AMD1: variants seen among roughly 807,000 people sequenced by gnomAD.
The protein encoded by AMD1 is S-adenosylmethionine decarboxylase proenzyme.
AMD1 carries 11 observed loss-of-function variants against 40.2 expected under a neutral mutation model. The ratio of observed to expected loss-of-function variants is 0.27; its 90% CI spans 0.17 to 0.45. The LOEUF (loss-of-function observed/expected upper bound fraction) is 0.45. Among genes scored for constraint, AMD1 ranks in the 20% least tolerant of loss-of-function variants. The probability of loss-of-function intolerance (pLI) is 1.00; values close to 1 mark genes in which losing one functional copy is unlikely to be tolerated. For missense variants in AMD1, 257 were observed against 410.2 expected (o/e 0.63, Z 3.23); for synonymous variants, 121 against 130.8 (o/e 0.93, Z 0.51).
the AMD1 span, among the ~76,000 whole-genome samples, chr6:110,851,835 A>G: frequency 6.6e-6 from 1 of 152,174 alleles, no homozygotes; most frequent in Non-Finnish European, 1.5e-5. Context: ...AATAAAGATC[A>G]TTGTTCATTT....
chr6:110,817,417 G>A, the AMD1 span, among the ~76,000 whole-genome samples: 23,971 of 152,102 alleles, frequency 0.16, 2,093 homozygotes, highest in East Asian at 0.31. Flanking sequence ...AGACCAGCCT[G>A]GCCAAGACAG....
At chr6:110,841,732 TAAA>T in the AMD1 span, among the ~76,000 whole-genome samples, 6 of 137,164 alleles carry the variant, frequency 4.4e-5, no homozygotes, top group Admixed American at 1.5e-4. Context: ...ATGCCCCCAT[TAAA>T]AAAAAAAAAA....
the AMD1 span, among the ~76,000 whole-genome samples, chr6:110,845,605 G>T: frequency 1.8e-4 from 28 of 152,130 alleles, no homozygotes; most frequent in Admixed American, 1.8e-3. Flanking sequence ...CCCTGCTGTT[G>T]GGTCATTAAA....
At chr6:110,837,790 C>T in the AMD1 span, among the ~76,000 whole-genome samples, 5 of 113,974 alleles carry the variant, frequency 4.4e-5, no homozygotes, top group African/African-American at 1.7e-4. Flanking sequence ...GGGTTAGGGG[C>T]GGTGGCTCAC....
chr6:110,849,123 A>T, the AMD1 span, among the ~76,000 whole-genome samples: 1 of 152,216 alleles, frequency 6.6e-6, no homozygotes, highest in Non-Finnish European at 1.5e-5. Flanking sequence ...CGTGATACAG[A>T]CAATGACTTT....
intron 1 of AMD1, among the ~76,000 whole-genome samples, chr6:110,879,244 G>A (rs1785275402): frequency 6.6e-6 from 1 of 152,150 alleles, no homozygotes; most frequent in African/African-American, 2.4e-5. Context: ...CCAGCCACTC[G>A]GGAAGCTGAG....
the AMD1 span, among the ~76,000 whole-genome samples, chr6:110,860,801 GA>G: frequency 5.0e-5 from 7 of 139,990 alleles, no homozygotes; most frequent in African/African-American, 1.9e-4. Context: ...CTCCATCTCA[GA>G]AAAAAAACAA....
At chr6:110,845,038 CTT>C in the AMD1 span, among the ~76,000 whole-genome samples, 6 of 122,214 alleles carry the variant, frequency 4.9e-5, no homozygotes, top group African/African-American at 6.0e-5. Flanking sequence ...TGCCACAGAC[CTT>C]TTTTTTTTTT....
the AMD1 span, among the ~76,000 whole-genome samples, chr6:110,861,927 C>T: frequency 6.6e-6 from 1 of 152,028 alleles, no homozygotes; most frequent in Non-Finnish European, 1.5e-5. Context: ...AGGTGTTGCT[C>T]CATTGTCTTT....
chr6:110,815,322 C>G, the AMD1 span: 1 of 497,602 alleles, frequency 2.0e-6, no homozygotes, highest in Non-Finnish European at 3.2e-6. Flanking sequence ...CCACAGCAGC[C>G]ACCTCCTCCA....
At chr6:110,858,537 T>G in the AMD1 span, 1 of 1,598,862 alleles carries the variant, frequency 6.3e-7, no homozygotes, top group Non-Finnish European at 8.6e-7. Context: ...AGCTACGGCA[T>G]GAACACCGTG....
the AMD1 span, among the ~76,000 whole-genome samples, chr6:110,851,619 T>C: frequency 6.6e-6 from 1 of 152,044 alleles, no homozygotes; most frequent in Non-Finnish European, 1.5e-5. Flanking sequence ...TGCACCACCA[T>C]GCCCAGCTAA....
At position 110,888,040 on chromosome 6, in the gene AMD1, G is replaced by A. The variant is rs550013531; in HGVS notation, c.197+449G>A. On this transcript the variant is annotated intron_variant, in intron 2 of 8. Transcript: ENST00000368885. ...TATAAAAGGAAACATTTAGTGTAAC[G>A]TGGATGTTTCTAGGACATAGGTTTT... Among the ~76,000 whole-genome samples, 51 of 152,142 alleles carry A rather than the reference G, an allele frequency of 3.4e-4. No individual in the cohort carries two copies. In the Middle Eastern group the frequency reaches 0.01, roughly 30 times the overall value.
chr6:110,847,042 A>AGTGTGTGT, the AMD1 span, among the ~76,000 whole-genome samples: 26 of 146,390 alleles, frequency 1.8e-4, no homozygotes, highest in Middle Eastern at 3.5e-3. Flanking sequence ...GAACTAGGAG[A>AGTGTGTGT]GTGTGTGTGT....
At chr6:110,830,145 G>T in the AMD1 span, among the ~76,000 whole-genome samples, 2 of 151,914 alleles carry the variant, frequency 1.3e-5, no homozygotes, top group Non-Finnish European at 2.9e-5. Context: ...CTCCTGAGTA[G>T]CTGGGACTAC....
chr6:110,822,867 A>G, the AMD1 span, among the ~76,000 whole-genome samples: 1 of 152,056 alleles, frequency 6.6e-6, no homozygotes, highest in Non-Finnish European at 1.5e-5. Flanking sequence ...GTAATCCTAG[A>G]ACTTTGGGAG....
the AMD1 span, among the ~76,000 whole-genome samples, chr6:110,869,595 C>T: frequency 5.3e-5 from 8 of 151,828 alleles, no homozygotes; most frequent in Non-Finnish European, 8.8e-5. Context: ...CCCCAACCTC[C>T]GCCTACCAGA....
the AMD1 span, among the ~76,000 whole-genome samples, chr6:110,844,652 G>A: frequency 6.6e-6 from 1 of 151,660 alleles, no homozygotes; most frequent in South Asian, 2.1e-4. Context: ...GTGGTGGCAG[G>A]CGCCTGTAAT....
chr6:110,892,716 G>T lies in AMD1; in HGVS notation c.616-19G>T, dbSNP rs1481341793. ...TATTTGTCAAACCCTTGTTAAACTC[G>T]GTCTTTTTCCCCCCCCAGGAGAGTG... On this transcript the variant is annotated intron_variant, in intron 6 of 8. Coordinates refer to ENST00000368885, the MANE Select transcript of AMD1 (RefSeq NM_001634.6). The T allele has an allele frequency of 6.6e-6, 10 of 1,514,608 alleles. No homozygotes were observed. The highest frequency in any genetic ancestry group is 7.9e-6 in the Non-Finnish European group (9 of 1,135,014). The allele number at this position is 1,514,608 out of a possible 1,614,324, so 93.8% of individuals were successfully genotyped here.
Sources: allele counts gnomAD v4.1 joint callset (sites outside exome capture counted in the v4.1 genomes callset), GRCh38; gene constraint gnomAD v4.1.1; transcripts MANE v1.5; gene names NCBI Gene and HGNC (gene_info 2026-07-23, HGNC 2026-07-21).